The following NFIL3 variants were observed in gnomAD, a reference collection of about 807,000 sequenced individuals.
NFIL3 encodes nuclear factor, interleukin 3 regulated.
Under a neutral mutation model 10.0 loss-of-function variants are expected in NFIL3, and 5 were observed. The observed-to-expected ratio is 0.50, with a 90% CI of 0.26 to 1.06. The LOEUF (loss-of-function observed/expected upper bound fraction) is 1.06. Ranked by LOEUF, NFIL3 falls within the 50% of genes least tolerant of loss-of-function variation. NFIL3 has a pLI of 0.13. For missense variants in NFIL3, 436 were observed against 547.6 expected, an observed-to-expected ratio of 0.80 and a Z score of 2.03; for synonymous variants, 202 against 206.5, an observed-to-expected ratio of 0.98 and a Z score of 0.19.
At chr9:91,429,702 G>A in the NFIL3 span, among the ~76,000 whole-genome samples, 1 of 152,162 alleles carries the variant, frequency 6.6e-6, no homozygotes, top group African/African-American at 2.4e-5. Flanking sequence ...GTGCCATTGT[G>A]TTTTCAGCTG....
At chr9:91,421,297 C>G (rs1238034222) in intron 1 of NFIL3, among the ~76,000 whole-genome samples, 3 of 151,880 alleles carry the variant, frequency 2.0e-5, no homozygotes, top group African/African-American at 7.2e-5. Context: ...CAGAGCGCAC[C>G]CGTACGCCGG....
At chr9:91,412,163 G>T (rs551010595) in intron 1 of NFIL3, among the ~76,000 whole-genome samples, 1 of 150,848 alleles carries the variant, frequency 6.6e-6, no homozygotes, top group Non-Finnish European at 1.5e-5. Context: ...TTCAAAGGGG[G>T]TTTTTAAAAG....
chr9:91,419,288 C>T (rs556632471), intron 1 of NFIL3, among the ~76,000 whole-genome samples: 8 of 152,232 alleles, frequency 5.3e-5, no homozygotes, highest in Admixed American at 1.3e-4. Context: ...AAAAATAAAG[C>T]CCAGGCAATA....
chr9:91,467,285 T>G, the NFIL3 span, among the ~76,000 whole-genome samples: 3 of 152,186 alleles, frequency 2.0e-5, no homozygotes, highest in African/African-American at 7.2e-5. Flanking sequence ...ATATGATGTA[T>G]GTGTGCATGT....
At chr9:91,427,057 T>C (rs1038097951), upstream of NFIL3, 8 of 150,610 alleles carry the variant, frequency 5.3e-5, no homozygotes, top group Admixed American at 5.3e-4. Flanking sequence ...CTCCAATTAC[T>C]CAAAAGAACG....
the NFIL3 span, among the ~76,000 whole-genome samples, chr9:91,436,904 G>C: frequency 3.9e-5 from 6 of 152,170 alleles, no homozygotes; most frequent in Non-Finnish European, 8.8e-5. Flanking sequence ...TGGCAGCAGG[G>C]ACCGGTTTCG....
intron 1 of NFIL3, among the ~76,000 whole-genome samples, chr9:91,416,236 T>C (rs1833655083): frequency 2.0e-5 from 3 of 151,428 alleles, no homozygotes; most frequent in Non-Finnish European, 4.4e-5. Flanking sequence ...TCTCTGACCC[T>C]CTCATTTTGC....
At chr9:91,466,466 T>A in the NFIL3 span, among the ~76,000 whole-genome samples, 1 of 152,230 alleles carries the variant, frequency 6.6e-6, no homozygotes, top group Non-Finnish European at 1.5e-5. Context: ...AGCATGAGTT[T>A]GTTTTGTTAT....
At chr9:91,453,746 A>G in the NFIL3 span, among the ~76,000 whole-genome samples, 13 of 152,090 alleles carry the variant, frequency 8.5e-5, 1 homozygote, top group African/African-American at 3.1e-4. Context: ...GGTGTTATCT[A>G]ATTATGAAAA....
At chr9:91,466,225 A>ATTAAAGTCAATG in the NFIL3 span, among the ~76,000 whole-genome samples, 3 of 152,182 alleles carry the variant, frequency 2.0e-5, no homozygotes, top group African/African-American at 7.2e-5. Flanking sequence ...ATGCCCTGCA[A>ATTAAAGTCAATG]TTAAAGTCAA....
upstream of NFIL3, among the ~76,000 whole-genome samples, chr9:91,425,632 T>C (rs1305041612): frequency 6.6e-6 from 1 of 152,254 alleles, no homozygotes; most frequent in Non-Finnish European, 1.5e-5. Context: ...GTTTATAATT[T>C]CCACTTTTCT....
In NFIL3 at chr9:91,409,717, C is replaced by G; in HGVS notation, c.1018G>C (p.Ala340Pro). The G allele has an allele frequency of 6.2e-7, 1 of 1,614,156 alleles. No individual in the cohort carries two copies. Among genetic ancestry groups the G allele is most frequent in the Non-Finnish European group, 8.5e-7 (1 of 1,180,010 alleles). Residue 340 changes from alanine (A) to proline (P), a missense_variant, in exon 2 of 2, where the codon GCC (alanine) becomes CCC (proline). Transcript: ENST00000297689. ...GTGGCCTCAAATTCATTATCAAAGG[C>G]TTCTACTTTGATCTGCATGGCTTTG... ...KAKAMQIKVE[A>P]FDNEFEATQK...
In NFIL3 at chr9:91,409,946, T is replaced by C. The variant is rs762791198; in HGVS notation, c.789A>G (p.Gln263=). The change falls in exon 2 of 2, where the codon CAA becomes CAG. Residue 263 remains glutamine, a synonymous_variant. Transcript: ENST00000297689. ...SGYSHSPPLL[Q]VNRSSSNSPR... is the part of the protein sequence containing the mutation. ...GGGAGTTGCTGGAGGATCGGTTGACTTGCAGTAGTGGGGGAGAGTGTGAGT... is the reference window on the plus strand; with the variant it reads ...GGGAGTTGCTGGAGGATCGGTTGACCTGCAGTAGTGGGGGAGAGTGTGAGT... 1.2e-6 allele frequency: 2 copies of C among 1,613,878 alleles called. No homozygotes were observed. Among genetic ancestry groups the C allele is most frequent in the South Asian group, 2.2e-5 (2 of 91,074 alleles).
chr9:91,441,329 G>C, the NFIL3 span, among the ~76,000 whole-genome samples: 48 of 152,102 alleles, frequency 3.2e-4, no homozygotes, highest in Admixed American at 5.9e-4. Flanking sequence ...AGCCACCCCT[G>C]CTCTCTTTTG....
intron 1 of NFIL3, among the ~76,000 whole-genome samples, chr9:91,411,210 T>G (rs139502093): frequency 6.6e-6 from 1 of 152,330 alleles, no homozygotes; most frequent in East Asian, 1.9e-4. Flanking sequence ...CTGTATTTAA[T>G]GAGGCGAAAT....
chr9:91,413,104 T>C (rs1833586446), intron 1 of NFIL3, among the ~76,000 whole-genome samples: 1 of 152,188 alleles, frequency 6.6e-6, no homozygotes, highest in African/African-American at 2.4e-5. Flanking sequence ...TAGTCGTAAC[T>C]CAGAGAAATT....
chr9:91,414,771 G>A (rs967315792), intron 1 of NFIL3, among the ~76,000 whole-genome samples: 1 of 152,140 alleles, frequency 6.6e-6, no homozygotes, highest in African/African-American at 2.4e-5. Flanking sequence ...GGGATGATAC[G>A]GAGACAGGCA....
At chr9:91,445,051 A>T in the NFIL3 span, among the ~76,000 whole-genome samples, 2 of 152,030 alleles carry the variant, frequency 1.3e-5, no homozygotes, top group African/African-American at 4.8e-5. Context: ...TTCTCTAATA[A>T]AGCTGGGGTC....
At chr9:91,473,688 G>C in the NFIL3 span, among the ~76,000 whole-genome samples, 3 of 152,228 alleles carry the variant, frequency 2.0e-5, no homozygotes, top group Non-Finnish European at 4.4e-5. Context: ...GCCCTGCCCT[G>C]TGTTGGCTCA....
Sources: allele counts gnomAD v4.1 joint callset (sites outside exome capture counted in the v4.1 genomes callset), GRCh38; gene constraint gnomAD v4.1.1; transcripts MANE v1.5; gene names NCBI Gene and HGNC (gene_info 2026-07-23, HGNC 2026-07-21).